SNX15: variants seen among roughly 807,000 people sequenced by gnomAD.
SNX15 encodes sorting nexin-15.
SNX15 carries 29 observed loss-of-function variants against 35.2 expected under a neutral mutation model. The ratio of observed to expected loss-of-function variants is 0.82; its 90% CI spans 0.61 to 1.12. The LOEUF (loss-of-function observed/expected upper bound fraction) is 1.12, where lower values mean the gene tolerates loss of function less well. Ranked by LOEUF, SNX15 falls within the 50% of genes most tolerant of loss-of-function variation. SNX15 has a pLI of 0.00. For synonymous variants in SNX15, 189 were observed against 188.2 expected (o/e 1.00, Z -0.03); for missense variants, 400 against 451.5 (o/e 0.89, Z 1.03).
chr11:65,030,099 G>C (rs903343168), intron 1 of SNX15, among the ~76,000 whole-genome samples: 2 of 152,066 alleles, frequency 1.3e-5, no homozygotes, highest in East Asian at 3.9e-4. Flanking sequence ...GCGCACGCCT[G>C]TAATCCCAGC....
chr11:65,040,082 A>T lies in SNX15; in HGVS notation c.*290A>T. ...AGTGGTGGGATCGCGGCTCACTGCA[A>T]CCTCCACCTCCCAGGTTCAAGCAGT... is the stretch of plus-strand genomic sequence containing the variant. On this transcript the variant is annotated 3_prime_UTR_variant, in exon 8 of 8. Coordinates refer to ENST00000377244, the MANE Select transcript of SNX15 (RefSeq NM_013306.5). 1 of 276,270 alleles carries T rather than the reference A, an allele frequency of 3.6e-6. No homozygotes were observed. Among genetic ancestry groups the T allele is most frequent in the Non-Finnish European group, 7.0e-6 (1 of 143,452 alleles). The allele number at this position is 276,270 out of a possible 1,614,324, so 17.1% of individuals were successfully genotyped here.
rs1156756877 is a variant in SNX15 at position 65,032,191 on chromosome 11, G to A, written c.123G>A (p.Glu41=). ...TAQFISKKDP[E]DVKEVVVWKR... ...AGTTCATCTCAAAGAAGGACCCAGA[G>A]GATGTCAAAGAGGTGAGGCTCCTGG... The change falls in exon 2 of 8, where the codon GAG becomes GAA. Residue 41 remains glutamate, a synonymous_variant. Transcript: ENST00000377244. 1 of 1,614,180 alleles carries A rather than the reference G, an allele frequency of 6.2e-7. No individual in the cohort carries two copies. Among genetic ancestry groups the A allele is most frequent in the Non-Finnish European group, 8.5e-7 (1 of 1,180,006 alleles).
chr11:65,035,886 C>A, intron 6 of SNX15: 1 of 419,924 alleles, frequency 2.4e-6, no homozygotes, highest in South Asian at 8.9e-5. Context: ...CAAATAGCCA[C>A]GAGGAAGGAA....
intron 3 of SNX15, among the ~76,000 whole-genome samples, chr11:65,034,393 C>T (rs1051384613): frequency 6.6e-6 from 1 of 152,202 alleles, no homozygotes; most frequent in Non-Finnish European, 1.5e-5. Context: ...TGCACACCAG[C>T]CTGGGTAACA....
At chr11:65,038,274 G>C in intron 6 of SNX15, 1 of 1,097,444 alleles carries the variant, frequency 9.1e-7, no homozygotes. Flanking sequence ...TGGATTTCTA[G>C]GTCAACTGGA....
At chr11:65,034,801 G>C (rs781056418) in intron 3 of SNX15, 46 bp from the exon 4 acceptor site, 1 of 1,502,034 alleles carries the variant, frequency 6.7e-7, no homozygotes, top group East Asian at 2.3e-5. Context: ...AGAAGCCCCT[G>C]TGGGTCACCG....
chr11:65,031,914 G>A (rs1411466989), intron 1 of SNX15, among the ~76,000 whole-genome samples: 3 of 152,144 alleles, frequency 2.0e-5, no homozygotes, highest in Non-Finnish European at 4.4e-5. Flanking sequence ...AAAAAGTTGG[G>A]CTGAGGTTGG....
chr11:65,038,611 C>A lies in SNX15; in HGVS notation c.704C>A (p.Ala235Glu). The A allele has an allele frequency of 6.3e-7, 1 of 1,593,992 alleles. No homozygotes were observed. The highest frequency in any genetic ancestry group is 1.7e-5 in the Admixed American group (1 of 57,404). ...AGCCCCACCCATGTGGCTGAGCTGG[C>A]AACGATGGAGGTGGAGTCTGCAAGG... ...APSPTHVAEL[A>E]TMEVESARLD... Residue 235 changes from alanine (A) to glutamate (E), a missense_variant, in exon 7 of 8, where the codon GCA (alanine) becomes GAA (glutamate). By Grantham distance (107) the Ala-to-Glu change is moderately radical. Transcript: ENST00000377244.
rs1043138502 is a variant in SNX15, at chr11:65,027,739, G to A, written c.99+103G>A. ...GCCACTGCTCCCTTTTTAGACGACAGAAATGGGTTTCCCCTTTAAGGGGAG... is the reference window on the plus strand; with the variant it reads ...GCCACTGCTCCCTTTTTAGACGACAAAAATGGGTTTCCCCTTTAAGGGGAG... On this transcript the variant is annotated intron_variant, in intron 1 of 7. Transcript: ENST00000377244. 3.6e-6 allele frequency: 3 copies of A among 843,638 alleles called. No individual in the cohort carries two copies. The African/African-American group carries it at 5.1e-5, about 14-fold the overall frequency. The allele number at this position is 843,638 out of a possible 1,614,324, so 52.3% of individuals were successfully genotyped here. A position where few individuals can be genotyped will look rare whatever the true frequency, so the allele number is the denominator to read the frequency against.
intron 1 of SNX15, among the ~76,000 whole-genome samples, chr11:65,030,867 C>T (rs1470488426): frequency 2.6e-5 from 4 of 152,084 alleles, no homozygotes; most frequent in Non-Finnish European, 4.4e-5. Context: ...TTGTCAAAAG[C>T]AAAGTCCAGG....
rs534676230 is a variant in SNX15 at position 65,032,106 on chromosome 11, A to G, written c.100-62A>G. ...GACTAGGAGGCACCTGGGGCATTAC[A>G]GGGTGAGAGGGTGTCAGATGGCAGT... On this transcript the variant is annotated intron_variant, in intron 1 of 7. Coordinates refer to ENST00000377244, the MANE Select transcript of SNX15 (RefSeq NM_013306.5). 34 of 1,549,542 alleles carry G rather than the reference A, an allele frequency of 2.2e-5. No homozygotes were observed. In the South Asian group the frequency reaches 3.6e-4, roughly 16 times the overall value.
chr11:65,040,001 G>C lies in SNX15; in HGVS notation c.*209G>C. The C allele has an allele frequency of 4.2e-6, 2 of 481,844 alleles. No individual in the cohort carries two copies. Among genetic ancestry groups the C allele is most frequent in the Non-Finnish European group, 3.8e-6 (1 of 265,168 alleles). 29.8% of individuals were successfully genotyped at this position (481,844 alleles called of 1,614,324 possible). Reference sequence around the variant, plus strand: ...AGGACTCACACTTCTGACCCTGCCTGTCTTTTTGGGGTTTTTTTGAGTTGG... The same window carrying C: ...AGGACTCACACTTCTGACCCTGCCTCTCTTTTTGGGGTTTTTTTGAGTTGG... On this transcript the variant is annotated 3_prime_UTR_variant, in exon 8 of 8. Coordinates refer to ENST00000377244, the MANE Select transcript of SNX15 (RefSeq NM_013306.5).
intron 3 of SNX15, among the ~76,000 whole-genome samples, 184 bp from the exon 4 acceptor site, chr11:65,034,663 A>T (rs1167041306): frequency 6.6e-6 from 1 of 152,204 alleles, no homozygotes; most frequent in African/African-American, 2.4e-5. Context: ...GAATAGGGAA[A>T]TTGATCCCTC....
intron 1 of SNX15, among the ~76,000 whole-genome samples, chr11:65,029,886 A>T (rs1946421715): frequency 6.6e-6 from 1 of 151,358 alleles, no homozygotes; most frequent in South Asian, 2.1e-4. Context: ...CTATATTTTT[A>T]TTTTATTTTA....
chr11:65,035,177 G>T lies in SNX15; in HGVS notation c.491G>T (p.Arg164Met). 1 of 1,587,340 alleles carries T rather than the reference G, an allele frequency of 6.3e-7. No homozygotes were observed. The highest frequency in any genetic ancestry group is 2.3e-5 in the East Asian group (1 of 44,034). ...PRLSQLLPAE[R>M]RGLEELEVPV... The stretch of plus-strand genomic sequence containing the variant: ...CTATCCCAACTGCTCCCTGCAGAAA[G>T]GAGGGGCCTCGAGGAATTGGAGGTG... Residue 164 changes from arginine to methionine, a missense_variant, in exon 5 of 8, where the codon AGG (arginine) becomes ATG (methionine). Transcript: ENST00000377244.
At chr11:65,034,822 C>G in intron 3 of SNX15, 25 bp from the exon 4 acceptor site, 1 of 1,595,476 alleles carries the variant, frequency 6.3e-7, no homozygotes, top group Non-Finnish European at 8.6e-7. Context: ...CCACTCTCCC[C>G]TGTTCCTTGT....
intron 1 of SNX15, among the ~76,000 whole-genome samples, chr11:65,029,245 C>G (rs911539174): frequency 1.3e-5 from 2 of 150,450 alleles, no homozygotes; most frequent in African/African-American, 4.9e-5. Context: ...TGCAAACTTC[C>G]GTCGCCCGGG....
At chr11:65,033,630 T>C (rs1284413174) in intron 3 of SNX15, among the ~76,000 whole-genome samples, 1 of 152,050 alleles carries the variant, frequency 6.6e-6, no homozygotes, top group East Asian at 1.9e-4. Flanking sequence ...ATGTAGCTCA[T>C]ATCTGTATTA....
In SNX15 at chr11:65,027,630, C is replaced by A; in HGVS notation, c.93C>A (p.Thr31=). The part of the protein sequence containing the change: ...HPKGYTEYKV[T]AQFISKKDPE... ...AGGGCTACACCGAGTACAAAGTAAC[C>A]GCGCAGGTGAGGTGGGGCCCAGCGC... The change falls in exon 1 of 8, where the codon ACC becomes ACA. Residue 31 remains threonine (T), a synonymous_variant. Transcript: ENST00000377244. 6.2e-7 allele frequency: 1 copy of A among 1,612,972 alleles called. No individual in the cohort carries two copies. Among genetic ancestry groups the A allele is most frequent in the Non-Finnish European group, 8.5e-7 (1 of 1,179,058 alleles).
Sources: allele counts gnomAD v4.1 joint callset (sites outside exome capture counted in the v4.1 genomes callset), GRCh38; gene constraint gnomAD v4.1.1; transcripts MANE v1.5; gene names NCBI Gene and HGNC (gene_info 2026-07-23, HGNC 2026-07-21).